The following PPARGC1A variants were observed in gnomAD, a reference collection of about 807,000 sequenced individuals.
PPARGC1A encodes PPARG coactivator 1 alpha.
A neutral mutation model predicts 88.7 loss-of-function variants in PPARGC1A; 25 were observed. The ratio of observed to expected loss-of-function variants is 0.28; its 90% confidence interval spans 0.21 to 0.39. The LOEUF (loss-of-function observed/expected upper bound fraction) is 0.39. Among genes scored for constraint, PPARGC1A ranks in the 10% least tolerant of loss-of-function variants. The probability of loss-of-function intolerance (pLI) is 1.00; values close to 1 mark genes in which losing one functional copy is unlikely to be tolerated. For missense variants in PPARGC1A, 880 were observed against 968.7 expected, an observed-to-expected ratio of 0.91 and a Z score of 1.22; for synonymous variants, 363 against 355.6, an observed-to-expected ratio of 1.02 and a Z score of -0.24.
the PPARGC1A span, among the ~76,000 whole-genome samples, chr4:24,320,822 C>G: frequency 6.6e-6 from 1 of 152,192 alleles, no homozygotes; most frequent in African/African-American, 2.4e-5. Flanking sequence ...TAATAAACTT[C>G]TGAATACCTT....
chr4:24,176,458 AAAT>A, the PPARGC1A span, among the ~76,000 whole-genome samples: 3 of 152,192 alleles, frequency 2.0e-5, no homozygotes, highest in African/African-American at 7.2e-5. Context: ...CTGGAATGTG[AAAT>A]GGGGTAAAGG....
At chr4:24,045,413 T>A in the PPARGC1A span, among the ~76,000 whole-genome samples, 1 of 152,092 alleles carries the variant, frequency 6.6e-6, no homozygotes, top group African/African-American at 2.4e-5. Flanking sequence ...GTAAACTGAG[T>A]GGCTTAAAGC....
the PPARGC1A span, among the ~76,000 whole-genome samples, chr4:24,070,970 T>TA: frequency 6.6e-6 from 1 of 152,206 alleles, no homozygotes; most frequent in African/African-American, 2.4e-5. Flanking sequence ...ATTTGCTACC[T>TA]AGCCCTTTGC....
At chr4:24,084,474 C>A in the PPARGC1A span, among the ~76,000 whole-genome samples, 44 of 152,290 alleles carry the variant, frequency 2.9e-4, no homozygotes, top group Admixed American at 4.6e-4. Flanking sequence ...GAGAAAGGAG[C>A]AGAACTGTGC....
chr4:24,351,098 G>T, the PPARGC1A span, among the ~76,000 whole-genome samples: 1 of 152,070 alleles, frequency 6.6e-6, no homozygotes, highest in Admixed American at 6.5e-5. Context: ...GGGAGCGGTG[G>T]CTCATGCCTA....
At chr4:23,805,918 C>T (rs532076235) in intron 10 of PPARGC1A, among the ~76,000 whole-genome samples, 1 of 152,190 alleles carries the variant, frequency 6.6e-6, no homozygotes, top group East Asian at 1.9e-4. Flanking sequence ...TATGTATGCC[C>T]ATATGCAGAC....
chr4:24,141,128 G>A, the PPARGC1A span, among the ~76,000 whole-genome samples: 3 of 152,228 alleles, frequency 2.0e-5, no homozygotes, highest in Non-Finnish European at 4.4e-5. Flanking sequence ...AGGGAGAGAA[G>A]TAGGGAGGAA....
chr4:23,945,912 C>T, the PPARGC1A span, among the ~76,000 whole-genome samples: 24 of 152,252 alleles, frequency 1.6e-4, no homozygotes, highest in African/African-American at 4.6e-4. Context: ...CATGGCCAGC[C>T]GCATGTGACC....
At chr4:23,893,596 T>C (rs1329333529), upstream of PPARGC1A, among the ~76,000 whole-genome samples, 1 of 152,150 alleles carries the variant, frequency 6.6e-6, no homozygotes, top group African/African-American at 2.4e-5. Context: ...TGCTAGTAAA[T>C]TCCCAAATAA....
chr4:24,378,898 A>G, the PPARGC1A span, among the ~76,000 whole-genome samples: 1 of 152,182 alleles, frequency 6.6e-6, no homozygotes, highest in Non-Finnish European at 1.5e-5. Context: ...TTTAATTATC[A>G]ATACTGCTTT....
upstream of PPARGC1A, among the ~76,000 whole-genome samples, chr4:23,892,053 CTTTA>C (rs923007510): frequency 5.3e-5 from 8 of 152,064 alleles, no homozygotes; most frequent in African/African-American, 1.2e-4. Context: ...TCACTGATAC[CTTTA>C]TTTGTGTTTA....
At chr4:24,135,643 C>G in the PPARGC1A span, among the ~76,000 whole-genome samples, 877 of 152,270 alleles carry the variant, frequency 5.8e-3, 10 homozygotes, top group African/African-American at 0.02. Context: ...CTCCTTCTAG[C>G]CCAGCCCACC....
the PPARGC1A span, among the ~76,000 whole-genome samples, chr4:24,125,439 C>G: frequency 3.9e-5 from 6 of 152,070 alleles, no homozygotes; most frequent in African/African-American, 1.4e-4. Flanking sequence ...AGCTCCACAC[C>G]CCAAAGCTGC....
chr4:23,927,428 AAAAG>A, the PPARGC1A span, among the ~76,000 whole-genome samples: 1 of 152,184 alleles, frequency 6.6e-6, no homozygotes, highest in Non-Finnish European at 1.5e-5. Flanking sequence ...ATCCATCAAG[AAAAG>A]GTTTATGGTT....
chr4:24,422,151 A>G, the PPARGC1A span, among the ~76,000 whole-genome samples: 1 of 152,188 alleles, frequency 6.6e-6, no homozygotes, highest in Non-Finnish European at 1.5e-5. Flanking sequence ...ACAGCCCACC[A>G]TTCATTTATT....
the PPARGC1A span, among the ~76,000 whole-genome samples, chr4:24,164,540 G>T: frequency 6.6e-6 from 1 of 151,692 alleles, no homozygotes; most frequent in South Asian, 2.1e-4. Flanking sequence ...GTATCTCCAT[G>T]GTGCCACATA....
the PPARGC1A span, among the ~76,000 whole-genome samples, chr4:24,367,610 G>A: frequency 1.3e-5 from 2 of 152,148 alleles, no homozygotes; most frequent in Non-Finnish European, 2.9e-5. Flanking sequence ...AGATATCAGG[G>A]ACATCTTAAA....
the PPARGC1A span, among the ~76,000 whole-genome samples, chr4:23,973,647 T>A: frequency 6.6e-6 from 1 of 152,230 alleles, no homozygotes; most frequent in African/African-American, 2.4e-5. Context: ...AATTTCACAC[T>A]CAATTTATTC....
the PPARGC1A span, among the ~76,000 whole-genome samples, chr4:24,375,721 G>A: frequency 6.6e-6 from 1 of 152,112 alleles, no homozygotes; most frequent in Non-Finnish European, 1.5e-5. Context: ...TAAAAAGGGG[G>A]TCGCGATAGA....
Sources: allele counts gnomAD v4.1 joint callset (sites outside exome capture counted in the v4.1 genomes callset), GRCh38; gene constraint gnomAD v4.1.1; transcripts MANE v1.5; gene names NCBI Gene and HGNC (gene_info 2026-07-23, HGNC 2026-07-21).